CNTNAP2: variants seen among roughly 807,000 people sequenced by gnomAD.
The protein encoded by CNTNAP2 is contactin associated protein 2.
In CNTNAP2, 98 loss-of-function variants were observed where a neutral mutation model predicts 155.2. The ratio of observed to expected loss-of-function variants is 0.63; its 90% CI spans 0.54 to 0.75. The LOEUF (loss-of-function observed/expected upper bound fraction) is 0.75, where lower values mean the gene tolerates loss of function less well. Ranked by LOEUF, CNTNAP2 falls within the 30% of genes least tolerant of loss-of-function variation. The probability of loss-of-function intolerance (pLI) is 0.00; values close to 1 mark genes in which losing one functional copy is unlikely to be tolerated. For synonymous variants in CNTNAP2, 651 were observed against 631.2 expected, an observed-to-expected ratio of 1.03 and a Z score of -0.47; for missense variants, 1,727 against 1,688.1, an observed-to-expected ratio of 1.02 and a Z score of -0.40.
intron 1 of CNTNAP2, among the ~76,000 whole-genome samples, chr7:146,618,896 C>T (rs1413830471): frequency 6.6e-6 from 1 of 151,778 alleles, no homozygotes; most frequent in African/African-American, 2.4e-5. Flanking sequence ...ATGGTGAAAC[C>T]CTGTCCCTAC....
chr7:146,242,126 C>A (rs1268817695), intron 1 of CNTNAP2, among the ~76,000 whole-genome samples: 2 of 152,110 alleles, frequency 1.3e-5, no homozygotes, highest in Non-Finnish European at 2.9e-5. Flanking sequence ...ATGTTTCACT[C>A]ATTGTTTTTG....
At chr7:146,341,585 T>G (rs1471427509) in intron 1 of CNTNAP2, among the ~76,000 whole-genome samples, 1 of 152,144 alleles carries the variant, frequency 6.6e-6, no homozygotes, top group Admixed American at 6.5e-5. Context: ...ACACATAACA[T>G]AGTAATAATG....
intron 20 of CNTNAP2, among the ~76,000 whole-genome samples, chr7:148,259,780 C>T (rs1035916448): frequency 4.6e-5 from 7 of 152,232 alleles, no homozygotes; most frequent in Non-Finnish European, 1.0e-4. Context: ...CCTGAATAGA[C>T]GTTAAAGCTT....
At chr7:146,643,060 C>T (rs1376967019) in intron 1 of CNTNAP2, among the ~76,000 whole-genome samples, 7 of 141,738 alleles carry the variant, frequency 4.9e-5, no homozygotes, top group South Asian at 4.7e-4. Context: ...TGGATATTAG[C>T]CCTTTGTCAG....
intron 2 of CNTNAP2, chr7:146,786,842 A>T (rs1236488842): frequency 6.6e-6 from 1 of 152,154 alleles, no homozygotes; most frequent in Admixed American, 6.5e-5. Flanking sequence ...TTTCCTTTGC[A>T]TCTGTCTTCT....
chr7:146,131,674 C>G (rs764843624), intron 1 of CNTNAP2, among the ~76,000 whole-genome samples: 21 of 152,122 alleles, frequency 1.4e-4, no homozygotes, highest in Non-Finnish European at 2.4e-4. Flanking sequence ...CAACATACTT[C>G]AAAGACTTAG....
In CNTNAP2 at chr7:146,324,944, G is replaced by GT. The variant is rs201576153; in HGVS notation, c.97+207978dup. On this transcript the variant is annotated intron_variant, in intron 1 of 23. Coordinates refer to ENST00000361727, the MANE Select transcript of CNTNAP2 (RefSeq NM_014141.6). ...ACAAAATAGTAAAAATGACAATATA[G>GT]TTTTTTTGGATACAGATTCCCACTC... 1.1e-3 allele frequency among the ~76,000 whole-genome samples: 162 copies of GT among 152,128 alleles called. 1 individual carries two copies. The East Asian group carries it at 0.013, about 12-fold the overall frequency.
chr7:147,739,066 C>T (rs117170340), intron 13 of CNTNAP2, among the ~76,000 whole-genome samples: 1,670 of 151,956 alleles, frequency 0.011, 95 homozygotes, highest in Admixed American at 0.087. Context: ...CCAAGATATG[C>T]CTGTACCTGT....
At chr7:146,438,523 G>A (rs551745837) in intron 1 of CNTNAP2, among the ~76,000 whole-genome samples, 3 of 151,442 alleles carry the variant, frequency 2.0e-5, no homozygotes, top group African/African-American at 7.3e-5. Flanking sequence ...CTGAAAACTT[G>A]TGTTCATATT....
intron 22 of CNTNAP2, chr7:148,389,922 A>C (rs1294045291): frequency 1.3e-5 from 2 of 152,162 alleles, no homozygotes; most frequent in Non-Finnish European, 2.9e-5. Context: ...TGACGGACCA[A>C]ATCAGACCCT....
At chr7:146,340,308 A>G (rs1801359868) in intron 1 of CNTNAP2, among the ~76,000 whole-genome samples, 1 of 146,432 alleles carries the variant, frequency 6.8e-6, no homozygotes, top group Non-Finnish European at 1.5e-5. Flanking sequence ...TTTTTGGTTA[A>G]GCAACTTGGC....
chr7:147,183,242 G>C (rs937243666), intron 8 of CNTNAP2, among the ~76,000 whole-genome samples: 7 of 151,932 alleles, frequency 4.6e-5, no homozygotes, highest in Non-Finnish European at 1.0e-4. Context: ...TGTCAAAATT[G>C]TATCTCAGAT....
At chr7:147,853,680 A>G (rs1435609880) in intron 13 of CNTNAP2, among the ~76,000 whole-genome samples, 1 of 152,220 alleles carries the variant, frequency 6.6e-6, no homozygotes, top group Non-Finnish European at 1.5e-5. Flanking sequence ...TGGATGAACC[A>G]TTGCCATAAA....
intron 1 of CNTNAP2, among the ~76,000 whole-genome samples, chr7:146,268,713 A>T (rs1800032998): frequency 6.6e-6 from 1 of 152,234 alleles, no homozygotes; most frequent in African/African-American, 2.4e-5. Flanking sequence ...TTTTCTTGGA[A>T]TAGAATTAAG....
intron 15 of CNTNAP2, among the ~76,000 whole-genome samples, chr7:148,092,702 CAT>C (rs1257338814): frequency 6.6e-6 from 1 of 152,154 alleles, no homozygotes; most frequent in African/African-American, 2.4e-5. Flanking sequence ...CTCAAGAAGA[CAT>C]AATTTAGTAA....
intron 3 of CNTNAP2, among the ~76,000 whole-genome samples, chr7:146,991,274 T>G (rs780862104): frequency 1.1e-4 from 17 of 152,162 alleles, no homozygotes; most frequent in Admixed American, 5.2e-4. Flanking sequence ...CATTAATTTT[T>G]AAATATTTTG....
intron 12 of CNTNAP2, among the ~76,000 whole-genome samples, chr7:147,601,500 C>T (rs942660032): frequency 5.3e-5 from 8 of 151,986 alleles, no homozygotes; most frequent in African/African-American, 7.2e-5. Flanking sequence ...GCCATTTTCA[C>T]GTCTTTTGTG....
intron 10 of CNTNAP2, among the ~76,000 whole-genome samples, chr7:147,472,413 A>G (rs1398873263): frequency 6.6e-6 from 1 of 151,838 alleles, no homozygotes; most frequent in African/African-American, 2.4e-5. Flanking sequence ...GGGTTTCACA[A>G]CATTGGCCAG....
At chr7:147,200,199 T>C (rs1339346551) in intron 8 of CNTNAP2, among the ~76,000 whole-genome samples, 3 of 151,910 alleles carry the variant, frequency 2.0e-5, no homozygotes, top group African/African-American at 7.3e-5. Flanking sequence ...AAATAGTAAA[T>C]GACTTCCATG....
Sources: gnomAD v4.1 joint callset for allele counts (sites outside exome capture counted in the v4.1 genomes callset) on GRCh38, gnomAD v4.1.1 for gene constraint, MANE v1.5 for transcripts, NCBI Gene and HGNC (gene_info 2026-07-23, HGNC 2026-07-21) for gene names.